The following ZRANB3 variants were observed in gnomAD, a reference collection of about 807,000 sequenced individuals.
ZRANB3 encodes DNA annealing helicase and endonuclease ZRANB3.
A neutral mutation model predicts 133.8 loss-of-function variants in ZRANB3; 125 were observed. That is an observed-to-expected ratio of 0.93 (90% CI 0.81 to 1.08). The LOEUF is 1.08. Ranked by LOEUF, ZRANB3 falls within the 50% of genes least tolerant of loss-of-function variation. The probability of loss-of-function intolerance (pLI) is 0.00; values close to 1 mark genes in which losing one functional copy is unlikely to be tolerated. For missense variants in ZRANB3, 1,229 were observed against 1,275.5 expected (o/e 0.96, Z 0.56); for synonymous variants, 387 against 432.7 (o/e 0.89, Z 1.31).
intron 1 of ZRANB3, chr2:135,511,671 T>TAC (rs1277419755): frequency 1.3e-6 from 1 of 768,342 alleles, no homozygotes; most frequent in Non-Finnish European, 2.4e-6. Context: ...ACACCTGGAC[T>TAC]ACCACACCAT....
At chr2:135,346,481 G>C (rs543768710) in intron 5 of ZRANB3, among the ~76,000 whole-genome samples, 1 of 152,162 alleles carries the variant, frequency 6.6e-6, no homozygotes, top group South Asian at 2.1e-4. Flanking sequence ...TATAGGTATA[G>C]TACATATATT....
chr2:135,345,538 A>G lies in ZRANB3; in HGVS notation c.677+12T>C. On this transcript the variant is annotated intron_variant, in intron 6 of 20. Coordinates refer to ENST00000264159, the MANE Select transcript of ZRANB3 (RefSeq NM_032143.4). Reference sequence around the variant, plus strand: ...TGTGAGGAAAAAATTTACGGAAAATAGTTTAACTTACCTGATGTGTGCATT... The same window carrying G: ...TGTGAGGAAAAAATTTACGGAAAATGGTTTAACTTACCTGATGTGTGCATT... The G allele has an allele frequency of 6.3e-7, 1 of 1,584,944 alleles. No homozygotes were observed. The highest frequency in any genetic ancestry group is 8.6e-7 in the Non-Finnish European group (1 of 1,166,014).
intron 3 of ZRANB3, among the ~76,000 whole-genome samples, chr2:135,371,800 A>G (rs1458593755): frequency 6.6e-6 from 1 of 152,102 alleles, no homozygotes; most frequent in Non-Finnish European, 1.5e-5. Flanking sequence ...CTAACCCTGA[A>G]TGTATCAGGA....
At chr2:135,220,313 T>C (rs1694486173) in intron 15 of ZRANB3, among the ~76,000 whole-genome samples, 1 of 149,874 alleles carries the variant, frequency 6.7e-6, no homozygotes, top group Admixed American at 6.7e-5. Flanking sequence ...ATATCAACAA[T>C]AGTTGAACTC....
chr2:135,230,655 G>T lies in ZRANB3; in HGVS notation c.1812C>A (p.Leu604=), dbSNP rs760617897. ...PSQSKQIRTP[L]VESVQEAKAQ... is the part of the protein sequence containing the mutation. ...CCTTGGCCTCCTGTACACTTTCCAC[G>T]AGTGGAGTTCGGATTTGCTTGGACT... Residue 604 remains leucine (L), a synonymous_variant, in exon 13 of 21, where the codon CTC becomes CTA. Coordinates refer to ENST00000264159, the MANE Select transcript of ZRANB3 (RefSeq NM_032143.4). The T allele has an allele frequency of 3.0e-5, 49 of 1,613,634 alleles. No individual in the cohort carries two copies. Among genetic ancestry groups the T allele is most frequent in the Non-Finnish European group, 4.0e-5 (47 of 1,179,840 alleles).
At chr2:135,418,993 A>G (rs1205516201) in intron 2 of ZRANB3, among the ~76,000 whole-genome samples, 1 of 121,446 alleles carries the variant, frequency 8.2e-6, no homozygotes, top group Non-Finnish European at 1.6e-5. Flanking sequence ...GCTGGAGTGC[A>G]GTGGTGCGAT....
intron 12 of ZRANB3, among the ~76,000 whole-genome samples, chr2:135,249,315 A>C (rs1167826428): frequency 6.6e-6 from 1 of 152,264 alleles, no homozygotes; most frequent in Admixed American, 6.5e-5. Flanking sequence ...CTGTAGCACT[A>C]TTTGCAATAG....
chr2:135,326,879 G>A (rs1312391005), intron 6 of ZRANB3, among the ~76,000 whole-genome samples: 4 of 119,198 alleles, frequency 3.4e-5, no homozygotes, highest in Non-Finnish European at 4.8e-5. Context: ...CAACCTTGCA[G>A]CAGAACAAGA....
chr2:135,297,887 C>T (rs187272555), intron 8 of ZRANB3, among the ~76,000 whole-genome samples: 6 of 152,130 alleles, frequency 3.9e-5, no homozygotes, highest in African/African-American at 9.6e-5. Context: ...CTTTTCTTTA[C>T]GATATCTATT....
At chr2:135,207,225 A>C (rs554844687) in intron 19 of ZRANB3, among the ~76,000 whole-genome samples, 1 of 151,940 alleles carries the variant, frequency 6.6e-6, no homozygotes, top group South Asian at 2.1e-4. Context: ...AAAATATTCT[A>C]GGAGAAACAA....
chr2:135,337,832 A>C (rs1684435823), intron 6 of ZRANB3, among the ~76,000 whole-genome samples: 1 of 152,222 alleles, frequency 6.6e-6, no homozygotes. Context: ...GTAGTAAAAT[A>C]AATGTAACAG....
chr2:135,420,331 T>C (rs1408882877), intron 2 of ZRANB3, among the ~76,000 whole-genome samples: 2 of 151,942 alleles, frequency 1.3e-5, no homozygotes, highest in East Asian at 1.9e-4. Context: ...CATTTTATCA[T>C]GTTGCACTTG....
At chr2:135,245,874 C>T (rs1217184450) in intron 12 of ZRANB3, among the ~76,000 whole-genome samples, 1 of 118,420 alleles carries the variant, frequency 8.4e-6, no homozygotes, top group Admixed American at 1.1e-4. Context: ...TATGGTGAGC[C>T]GAGATCGCGT....
At chr2:135,228,367 C>G (rs1694848707) in intron 13 of ZRANB3, 1 of 174,874 alleles carries the variant, frequency 5.7e-6, no homozygotes, top group South Asian at 1.3e-4. Context: ...TAGCAAAAGT[C>G]ATGAGGACCA....
intron 2 of ZRANB3, among the ~76,000 whole-genome samples, chr2:135,494,798 G>A (rs879021182): frequency 6.6e-6 from 1 of 152,164 alleles, no homozygotes; most frequent in Admixed American, 6.5e-5. Context: ...GAAAGGGTAA[G>A]GAAGTGTCCC....
At chr2:135,218,315 C>G (rs1694395366) in intron 16 of ZRANB3, among the ~76,000 whole-genome samples, 1 of 151,974 alleles carries the variant, frequency 6.6e-6, no homozygotes, top group Non-Finnish European at 1.5e-5. Flanking sequence ...TAAATGATGC[C>G]TACGTTTTCA....
At chr2:135,396,529 G>C (rs1179185899) in intron 2 of ZRANB3, among the ~76,000 whole-genome samples, 2 of 152,196 alleles carry the variant, frequency 1.3e-5, no homozygotes, top group Admixed American at 1.3e-4. Context: ...GGTGGAACTA[G>C]AGGTCATTAT....
chr2:135,449,587 T>C (rs1690176490), intron 2 of ZRANB3, among the ~76,000 whole-genome samples: 1 of 151,992 alleles, frequency 6.6e-6, no homozygotes, highest in Non-Finnish European at 1.5e-5. Flanking sequence ...TCCACTACAC[T>C]CCAGCTTGGG....
At chr2:135,282,978 G>C (rs776257460) in intron 8 of ZRANB3, among the ~76,000 whole-genome samples, 5 of 152,122 alleles carry the variant, frequency 3.3e-5, no homozygotes, top group Non-Finnish European at 7.3e-5. Context: ...GATCATAAAA[G>C]TCACTGATCA....
Sources: gnomAD v4.1 joint callset for allele counts (sites outside exome capture counted in the v4.1 genomes callset) on GRCh38, gnomAD v4.1.1 for gene constraint, MANE v1.5 for transcripts, NCBI Gene and HGNC (gene_info 2026-07-23, HGNC 2026-07-21) for gene names.